Variants in SLC6A16 observed in about 807,000 individuals in gnomAD.
The protein encoded by SLC6A16 is orphan sodium- and chloride-dependent neurotransmitter transporter NTT5.
In SLC6A16, 54 loss-of-function variants were observed where a neutral mutation model predicts 65.4. The ratio of observed to expected loss-of-function variants is 0.83; its 90% CI spans 0.66 to 1.04. The LOEUF (loss-of-function observed/expected upper bound fraction) is 1.04, where lower values mean the gene tolerates loss of function less well. SLC6A16 is among the 50% of genes least tolerant of loss of function. SLC6A16 has a pLI of 0.00. For synonymous variants in SLC6A16, 330 were observed against 346.5 expected, an observed-to-expected ratio of 0.95 and a Z score of 0.53; for missense variants, 816 against 914.0, an observed-to-expected ratio of 0.89 and a Z score of 1.38.
chr19:49,290,835 C>A, intron 10 of SLC6A16, 68 bp from the exon 11 acceptor site: 1 of 1,319,248 alleles, frequency 7.6e-7, no homozygotes, highest in Non-Finnish European at 1.0e-6. Context: ...AGGGCCAGCC[C>A]AACCTTGGCA....
At chr19:49,326,653 G>A (rs1240990105), upstream of SLC6A16, among the ~76,000 whole-genome samples, 4 of 152,128 alleles carry the variant, frequency 2.6e-5, no homozygotes, top group Non-Finnish European at 5.9e-5. Flanking sequence ...TCCTGCCCTC[G>A]TTTTGCTTCA....
chr19:49,330,794 T>C, the SLC6A16 span, among the ~76,000 whole-genome samples: 2 of 151,860 alleles, frequency 1.3e-5, no homozygotes, highest in Admixed American at 6.6e-5. Flanking sequence ...ATACAAAAAT[T>C]AGCTGGGCAT....
At chr19:49,312,614 A>G in intron 1 of SLC6A16, 2 of 970,352 alleles carry the variant, frequency 2.1e-6, no homozygotes, top group East Asian at 1.1e-4. Flanking sequence ...AGTGTGCTGA[A>G]AAAAAAAAAG....
chr19:49,334,311 C>A, the SLC6A16 span, among the ~76,000 whole-genome samples: 1 of 151,732 alleles, frequency 6.6e-6, no homozygotes, highest in Non-Finnish European at 1.5e-5. Context: ...CAGTGAGACT[C>A]CCATCTCTAC....
chr19:49,324,739 G>A (rs1019919546), intron 1 of SLC6A16, among the ~76,000 whole-genome samples: 6 of 152,232 alleles, frequency 3.9e-5, no homozygotes, highest in African/African-American at 1.2e-4. Context: ...CTGCCACTCG[G>A]GCACTTGACA....
chr19:49,339,582 T>C, the SLC6A16 span: 1 of 1,454,380 alleles, frequency 6.9e-7, no homozygotes. The surrounding 1 kb of genome is among the most constrained non-coding windows in gnomAD (Gnocchi z 4.5). Context: ...CGGCCCAGCT[T>C]CAGGGAGCCC....
chr19:49,310,993 A>G lies in SLC6A16; in HGVS notation c.355T>C (p.Phe119Leu). 6.2e-7 allele frequency: 1 copy of G among 1,614,226 alleles called. No individual in the cohort carries two copies. Among genetic ancestry groups the G allele is most frequent in the Non-Finnish European group, 8.5e-7 (1 of 1,180,042 alleles). The change falls in exon 2 of 12, where the codon TTC becomes CTC. Residue 119 changes from phenylalanine (F) to leucine (L), a missense_variant. Coordinates refer to ENST00000335875, the MANE Select transcript of SLC6A16 (RefSeq NM_014037.3). ...CAGAGACAAGATGGCTTCATAGAGA[A>G]GCCCACCTGAGCCAGAATATACTCA... ...KTEYILAQVG[F>L]SMKPSCLWRF...
At position 49,290,265 on chromosome 19, in the gene SLC6A16, G is replaced by A. The variant is rs1970049280; in HGVS notation, c.2069C>T (p.Pro690Leu). Residue 690 changes from proline (P) to leucine (L), a missense_variant, in exon 12 of 12, where the codon CCC becomes CTC. Pro to Leu is a moderately conservative substitution (Grantham distance 98, BLOSUM62 -3). Transcript: ENST00000335875. ...YCRIHRIPFR[P>L]KSGDGPMTAS... ...TGTCATAGGCCCGTCTCCGCTCTTG[G>A]GCCTGAAGGGAATCCTATGTATGCG... 6.2e-7 allele frequency: 1 copy of A among 1,614,090 alleles called. No homozygotes were observed. Among genetic ancestry groups the A allele is most frequent in the Non-Finnish European group, 8.5e-7 (1 of 1,180,024 alleles).
intron 1 of SLC6A16, among the ~76,000 whole-genome samples, chr19:49,321,277 A>G (rs930000647): frequency 4.0e-5 from 6 of 151,680 alleles, no homozygotes; most frequent in African/African-American, 1.2e-4. Context: ...CTCTCAACTG[A>G]TGCAGAAAAA....
chr19:49,308,141 A>G (rs1203119733), intron 7 of SLC6A16, among the ~76,000 whole-genome samples: 3 of 151,698 alleles, frequency 2.0e-5, no homozygotes, highest in African/African-American at 4.8e-5. Context: ...GAAATCCCCA[A>G]TTCAGGAGTT....
At chr19:49,320,323 G>A (rs952176005) in intron 1 of SLC6A16, among the ~76,000 whole-genome samples, 50 of 151,620 alleles carry the variant, frequency 3.3e-4, no homozygotes, top group African/African-American at 1.0e-3. Context: ...CAGGAGAATC[G>A]CTTGAACCTA....
At position 49,290,021 on chromosome 19, in the gene SLC6A16, G is replaced by T; in HGVS notation, c.*102C>A. The T allele has an allele frequency of 8.1e-7, 1 of 1,237,956 alleles. No individual in the cohort carries two copies. Among genetic ancestry groups the T allele is most frequent in the Non-Finnish European group, 1.1e-6 (1 of 888,166 alleles). 76.7% of individuals were successfully genotyped at this position (1,237,956 alleles called of 1,614,324 possible). A position where few individuals can be genotyped will look rare whatever the true frequency, so the allele number is the denominator to read the frequency against. Reference sequence around the variant, plus strand: ...AATGCCCCTCCTCTTGGAAATAAAAGTGGTTCTGGATCCAGGGAGATCAAC... The same window carrying T: ...AATGCCCCTCCTCTTGGAAATAAAATTGGTTCTGGATCCAGGGAGATCAAC... On this transcript the variant is annotated 3_prime_UTR_variant, in exon 12 of 12. Coordinates refer to ENST00000335875, the MANE Select transcript of SLC6A16 (RefSeq NM_014037.3).
At chr19:49,308,560 G>A (rs1233153874) in intron 7 of SLC6A16, among the ~76,000 whole-genome samples, 5 of 152,190 alleles carry the variant, frequency 3.3e-5, no homozygotes, top group African/African-American at 4.8e-5. Flanking sequence ...ATTTTGTTGT[G>A]TATCTGGGAT....
intron 7 of SLC6A16, among the ~76,000 whole-genome samples, 160 bp from the exon 8 acceptor site, chr19:49,294,713 G>T (rs752690533): frequency 3.3e-5 from 5 of 152,048 alleles, no homozygotes; most frequent in South Asian, 2.1e-4. Context: ...CCGCCTTCAG[G>T]GACGTGAATT....
chr19:49,304,536 T>A (rs1157673586), intron 7 of SLC6A16, among the ~76,000 whole-genome samples: 2 of 151,972 alleles, frequency 1.3e-5, no homozygotes, highest in Admixed American at 6.6e-5. Flanking sequence ...GAGGCTGAGG[T>A]GGGCGGATCA....
rs374643137 is a variant in SLC6A16, at chr19:49,290,272, A to G, written c.2062T>C (p.Phe688Leu). 26 of 1,613,998 alleles carry G rather than the reference A, an allele frequency of 1.6e-5. No individual in the cohort carries two copies. In the African/African-American group the frequency reaches 3.5e-4, roughly 22 times the overall value. ...GGCCCGTCTCCGCTCTTGGGCCTGA[A>G]GGGAATCCTATGTATGCGGCAGTAT... The part of the protein sequence containing the change: ...FVYCRIHRIP[F>L]RPKSGDGPMT... Residue 688 changes from phenylalanine to leucine, a missense_variant, in exon 12 of 12, where the codon TTC (phenylalanine) becomes CTC (leucine). By Grantham distance (22) the Phe-to-Leu change is conservative. Transcript: ENST00000335875.
At chr19:49,333,717 C>A in the SLC6A16 span, among the ~76,000 whole-genome samples, 3 of 152,126 alleles carry the variant, frequency 2.0e-5, no homozygotes, top group African/African-American at 7.2e-5. Context: ...ACTCAGCAGG[C>A]AGGAGGGATC....
chr19:49,302,690 T>C (rs1417981390), intron 7 of SLC6A16, among the ~76,000 whole-genome samples: 1 of 152,206 alleles, frequency 6.6e-6, no homozygotes, highest in Non-Finnish European at 1.5e-5. Context: ...ATAATGGTTC[T>C]AAAGAATCTC....
intron 1 of SLC6A16, among the ~76,000 whole-genome samples, chr19:49,321,387 G>C (rs1332643287): frequency 6.6e-6 from 1 of 151,414 alleles, no homozygotes; most frequent in Non-Finnish European, 1.5e-5. Flanking sequence ...GGTGACTCAT[G>C]CCTGTAATCC....
Sources: gnomAD v4.1 joint callset for allele counts (sites outside exome capture counted in the v4.1 genomes callset) on GRCh38, gnomAD v4.1.1 for gene constraint, Gnocchi (gnomAD v3.1) non-coding constraint, MANE v1.5 for transcripts, NCBI Gene and HGNC (gene_info 2026-07-23, HGNC 2026-07-21) for gene names.